Variants in ANXA2 observed in about 807,000 individuals in gnomAD.
ANXA2 encodes the protein annexin A2.
ANXA2 carries 28 observed loss-of-function variants against 47.3 expected under a neutral mutation model. The ratio of observed to expected loss-of-function variants is 0.59; its 90% confidence interval spans 0.44 to 0.81. ANXA2 has a LOEUF of 0.81. ANXA2 is among the 40% of genes least tolerant of loss of function. The probability of loss-of-function intolerance (pLI) is 0.00; values close to 1 mark genes in which losing one functional copy is unlikely to be tolerated. For synonymous variants in ANXA2, 172 were observed against 155.5 expected, an observed-to-expected ratio of 1.11 and a Z score of -0.79; for missense variants, 384 against 414.3, an observed-to-expected ratio of 0.93 and a Z score of 0.64.
At chr15:60,364,781 T>C (rs2140843584) in intron 3 of ANXA2, among the ~76,000 whole-genome samples, 1 of 152,190 alleles carries the variant, frequency 6.6e-6, no homozygotes, top group East Asian at 1.9e-4. Flanking sequence ...AAAAACTATT[T>C]TATTCATAAA....
Position 60,395,896 on chromosome 15 carries a change from C to A in ANXA2, c.-12+2047G>T, listed in dbSNP as rs1337657742. ...TGCAGATGCAAGGGACATTTTTGGA[C>A]AAACCCTTGACCTTTAGATAATCGA... On this transcript the variant is annotated intron_variant, in intron 1 of 12. Coordinates refer to ENST00000451270, the MANE Select transcript of ANXA2 (RefSeq NM_004039.3). 4 of 152,200 alleles carry A rather than the reference C, an allele frequency of 2.6e-5. No individual in the cohort carries two copies. The East Asian group carries it at 7.7e-4, about 29-fold the overall frequency. 9.4% of individuals were successfully genotyped at this position (152,200 alleles called of 1,614,324 possible).
Position 60,349,057 on chromosome 15 carries a change from A to G in ANXA2, c.960+18T>C, listed in dbSNP as rs371181465. 55 of 1,613,712 alleles carry G rather than the reference A, an allele frequency of 3.4e-5. No individual in the cohort carries two copies. In the African/African-American group the frequency reaches 5.9e-4, roughly 17 times the overall value. ...GCTCTGGACGGCAGGGCAGGCTGAC[A>G]CTGCACCTCGGGCTTACCTGGATAT... On this transcript the variant is annotated intron_variant, in intron 12 of 12. Transcript: ENST00000451270.
chr15:60,360,627 A>G (rs2062498929), intron 5 of ANXA2, among the ~76,000 whole-genome samples: 1 of 152,168 alleles, frequency 6.6e-6, no homozygotes, highest in Non-Finnish European at 1.5e-5. Context: ...CCTTAATATC[A>G]CAACATATCT....
At chr15:60,381,854 C>A (rs1595700521) in intron 3 of ANXA2, among the ~76,000 whole-genome samples, 1 of 152,120 alleles carries the variant, frequency 6.6e-6, no homozygotes, top group Non-Finnish European at 1.5e-5. Context: ...TTCTTCCTTG[C>A]AGAAGAGGGA....
intron 3 of ANXA2, among the ~76,000 whole-genome samples, chr15:60,375,835 G>A (rs1046952442): frequency 2.6e-5 from 4 of 152,216 alleles, no homozygotes; most frequent in African/African-American, 9.7e-5. Flanking sequence ...AGTATGTAGA[G>A]TATGATGAGA....
At chr15:60,386,148 C>A (rs1218546854) in intron 1 of ANXA2, 62 bp from the exon 2 acceptor site, 1 of 1,203,816 alleles carries the variant, frequency 8.3e-7, no homozygotes, top group Non-Finnish European at 1.2e-6. Context: ...TGAAGCACAG[C>A]GATTCATTAT....
chr15:60,349,185 G>A lies in ANXA2; in HGVS notation c.850C>T (p.Arg284Ter), dbSNP rs373320545. Residue 284 changes from arginine to a stop codon, truncating the protein, a stop_gained, in exon 12 of 13, where the codon CGA (arginine) becomes TGA (stop). Coordinates refer to ENST00000451270, the MANE Select transcript of ANXA2 (RefSeq NM_004039.3). LOFTEE classifies it high-confidence loss of function. ...ATGATTCTGATCAGGACCTTATCTC[G>A]CGTCCCCTTGCCCTGAAAATCAAGT... ...LYDSMKGKGT[R>*]DKVLIRIMVS... 4 of 1,613,746 alleles carry A rather than the reference G, an allele frequency of 2.5e-6. No homozygotes were observed. The highest frequency in any genetic ancestry group is 1.7e-5 in the Admixed American group (1 of 59,980).
chr15:60,364,095 T>G (rs1352514015), intron 4 of ANXA2, among the ~76,000 whole-genome samples: 1 of 152,224 alleles, frequency 6.6e-6, no homozygotes, highest in African/African-American at 2.4e-5. Context: ...AAAGCGAGCG[T>G]GACCATCTGC....
At chr15:60,372,526 G>T (rs1351315634) in intron 3 of ANXA2, among the ~76,000 whole-genome samples, 2 of 152,088 alleles carry the variant, frequency 1.3e-5, no homozygotes, top group Non-Finnish European at 2.9e-5. Context: ...TGCTCAAGGG[G>T]CCTGCTCTTA....
intron 1 of ANXA2, among the ~76,000 whole-genome samples, chr15:60,387,527 G>C (rs1163953063): frequency 6.6e-6 from 1 of 152,240 alleles, no homozygotes; most frequent in Non-Finnish European, 1.5e-5. Flanking sequence ...ATTGCTGAGT[G>C]AAAGAAGCCA....
intron 1 of ANXA2, chr15:60,393,133 G>T (rs1488486303): frequency 7.8e-7 from 1 of 1,282,550 alleles, no homozygotes; most frequent in Non-Finnish European, 1.0e-6. Flanking sequence ...CTGGAATTCG[G>T]CCCAGTGACC....
At chr15:60,381,752 T>G (rs2140909065) in intron 3 of ANXA2, among the ~76,000 whole-genome samples, 1 of 152,166 alleles carries the variant, frequency 6.6e-6, no homozygotes, top group South Asian at 2.1e-4. Context: ...TAGATCAATC[T>G]AAGAGCAATG....
intron 1 of ANXA2, among the ~76,000 whole-genome samples, chr15:60,392,755 T>G (rs1173096701): frequency 6.6e-6 from 1 of 152,218 alleles, no homozygotes; most frequent in Admixed American, 6.5e-5. Flanking sequence ...ACGTGGAGTG[T>G]TGATGCGTTA....
chr15:60,384,577 A>T (rs2062907949), intron 2 of ANXA2: 1 of 152,236 alleles, frequency 6.6e-6, no homozygotes, highest in African/African-American at 2.4e-5. Context: ...CTGATAGCAA[A>T]TACAATCTAA....
intron 3 of ANXA2, among the ~76,000 whole-genome samples, chr15:60,374,900 A>G (rs1484541401): frequency 6.6e-6 from 1 of 152,162 alleles, no homozygotes; most frequent in Admixed American, 6.5e-5. Flanking sequence ...GCCCTGGGCT[A>G]CGTGAGTCAC....
intron 5 of ANXA2, among the ~76,000 whole-genome samples, chr15:60,359,081 T>C (rs1326252627): frequency 2.0e-5 from 3 of 151,742 alleles, no homozygotes; most frequent in African/African-American, 7.3e-5. Context: ...TCAAAACAGA[T>C]TTTTTTTTAA....
At chr15:60,363,355 G>A (rs562090151) in intron 4 of ANXA2, among the ~76,000 whole-genome samples, 4 of 152,284 alleles carry the variant, frequency 2.6e-5, no homozygotes, top group South Asian at 2.1e-4. Flanking sequence ...TTTAGAGTGC[G>A]GGGGATGGAA....
At position 60,361,047 on chromosome 15, in the gene ANXA2, G is replaced by A. The variant is rs936413907; in HGVS notation, c.251C>T (p.Ala84Val). Reference sequence around the variant, plus strand: ...AGATAAGGCTGACTTCAGTGCTGATGCAAGTTCCTTCAAGATAACAGGCAA... The same window carrying A: ...AGATAAGGCTGACTTCAGTGCTGATACAAGTTCCTTCAAGATAACAGGCAA... ...AYQRRTKKEL[A>V]SALKSALSGH... Residue 84 changes from alanine to valine, a missense_variant, in exon 5 of 13, where the codon GCA becomes GTA. Ala to Val is a moderately conservative substitution (Grantham distance 64, BLOSUM62 0). Coordinates refer to ENST00000451270, the MANE Select transcript of ANXA2 (RefSeq NM_004039.3). 1 of 1,609,326 alleles carries A rather than the reference G, an allele frequency of 6.2e-7. No individual in the cohort carries two copies. The highest frequency in any genetic ancestry group is 1.3e-5 in the African/African-American group (1 of 74,854).
intron 1 of ANXA2, among the ~76,000 whole-genome samples, chr15:60,392,727 A>G (rs1338055887): frequency 6.6e-6 from 1 of 152,222 alleles, no homozygotes; most frequent in Non-Finnish European, 1.5e-5. Flanking sequence ...TTGTGGACAC[A>G]CCCACTTCAC....
Sources: allele counts gnomAD v4.1 joint callset (sites outside exome capture counted in the v4.1 genomes callset), GRCh38; gene constraint gnomAD v4.1.1; transcripts MANE v1.5; gene names NCBI Gene and HGNC (gene_info 2026-07-23, HGNC 2026-07-21).